The following ASPH variants were observed in gnomAD, a reference collection of about 807,000 sequenced individuals.
ASPH encodes aspartate beta-hydroxylase.
Under a neutral mutation model 118.4 loss-of-function variants are expected in ASPH, and 100 were observed. The ratio of observed to expected loss-of-function variants is 0.84; its 90% CI spans 0.72 to 1.00. The LOEUF is 1.00. Ranked by LOEUF, ASPH falls within the 50% of genes least tolerant of loss-of-function variation. ASPH has a pLI of 0.00. For synonymous variants in ASPH, 315 were observed against 325.6 expected, an observed-to-expected ratio of 0.97 and a Z score of 0.35; for missense variants, 920 against 919.5, an observed-to-expected ratio of 1.00 and a Z score of -0.01.
chr8:61,692,960 G>A (rs74628855), intron 1 of ASPH, among the ~76,000 whole-genome samples: 13 of 145,588 alleles, frequency 8.9e-5, no homozygotes. Context: ...AAAAAAAAAA[G>A]AAAAAAAGAA....
chr8:61,578,974 G>A lies in ASPH; in HGVS notation c.1063-2116C>T, dbSNP rs573867202. 9.9e-5 allele frequency: 160 copies of A among 1,610,336 alleles called. No homozygotes were observed. The East Asian group carries it at 1.3e-3, about 13-fold the overall frequency. On this transcript the variant is annotated intron_variant, in intron 15 of 24. Coordinates refer to ENST00000379454, the MANE Select transcript of ASPH (RefSeq NM_004318.4). ...GTGGTGCTGTCCATGGACAACAGCCGCTCCCTGGACATGGACAGCATCATT... is the reference window on the plus strand; with the variant it reads ...GTGGTGCTGTCCATGGACAACAGCCACTCCCTGGACATGGACAGCATCATT...
At chr8:61,560,731 A>T (rs1241480300) in intron 18 of ASPH, among the ~76,000 whole-genome samples, 1 of 152,126 alleles carries the variant, frequency 6.6e-6, no homozygotes, top group Non-Finnish European at 1.5e-5. Context: ...ATTTTTCGGG[A>T]TGAAGTAAAA....
chr8:61,613,052 T>A (rs1420020595), intron 14 of ASPH, among the ~76,000 whole-genome samples: 1 of 152,228 alleles, frequency 6.6e-6, no homozygotes, highest in Non-Finnish European at 1.5e-5. Flanking sequence ...GCACCCACTA[T>A]CTATGGTTAA....
At chr8:61,615,521 C>A (rs962029169) in intron 14 of ASPH, among the ~76,000 whole-genome samples, 11 of 152,240 alleles carry the variant, frequency 7.2e-5, no homozygotes, top group African/African-American at 2.4e-4. Context: ...TGTTTTGGGC[C>A]CAGTGCCTAA....
At chr8:61,670,536 G>A (rs938188144) in intron 3 of ASPH, among the ~76,000 whole-genome samples, 9 of 151,976 alleles carry the variant, frequency 5.9e-5, no homozygotes, top group African/African-American at 2.2e-4. Flanking sequence ...CATTTCCTTA[G>A]AAGAAAACTG....
chr8:61,595,337 C>T (rs1457939489), intron 14 of ASPH, among the ~76,000 whole-genome samples: 1 of 152,146 alleles, frequency 6.6e-6, no homozygotes. Context: ...CAAACTATTT[C>T]TGATGTATTA....
Position 61,647,027 on chromosome 8 carries a change from A to G in ASPH, c.491-149T>C, listed in dbSNP as rs745347831. The G allele has an allele frequency of 2.8e-5, 29 of 1,038,778 alleles. No homozygotes were observed. The Admixed American group carries it at 4.0e-4, about 14-fold the overall frequency. The allele number at this position is 1,038,778 out of a possible 1,614,324, so 64.3% of individuals were successfully genotyped here. A position where few individuals can be genotyped will look rare whatever the true frequency, so the allele number is the denominator to read the frequency against. ...AGACACCATTGTCCACTCCACAGCT[A>G]TTTTCTTCCTCTGGCCAAGTGCTAA... On this transcript the variant is annotated intron_variant, in intron 5 of 24. Coordinates refer to ENST00000379454, the MANE Select transcript of ASPH (RefSeq NM_004318.4).
chr8:61,565,746 T>C (rs950283794), intron 17 of ASPH, among the ~76,000 whole-genome samples: 27 of 152,210 alleles, frequency 1.8e-4, no homozygotes, highest in African/African-American at 5.1e-4. Context: ...AGGACTTTCA[T>C]AGTGAGAGAG....
At chr8:61,625,439 G>A (rs1434198285) in intron 13 of ASPH, 1 of 985,222 alleles carries the variant, frequency 1.0e-6, no homozygotes, top group Non-Finnish European at 1.2e-6. Flanking sequence ...TTATGCACCA[G>A]TAATTTATAC....
chr8:61,635,207 A>G (rs904271535), intron 12 of ASPH, among the ~76,000 whole-genome samples: 1 of 152,128 alleles, frequency 6.6e-6, no homozygotes, highest in African/African-American at 2.4e-5. Context: ...AACATGAAAC[A>G]TATTCACATT....
At chr8:61,621,648 T>C (rs1236607901) in intron 13 of ASPH, among the ~76,000 whole-genome samples, 1 of 152,246 alleles carries the variant, frequency 6.6e-6, no homozygotes, top group Non-Finnish European at 1.5e-5. Context: ...GAGGTAGTTA[T>C]AATTTTACAA....
intron 14 of ASPH, among the ~76,000 whole-genome samples, chr8:61,601,642 T>G (rs1369816040): frequency 6.7e-6 from 1 of 149,998 alleles, no homozygotes; most frequent in Non-Finnish European, 1.5e-5. Context: ...AGGTACATAT[T>G]GATAATTTAG....
intron 12 of ASPH, 40 bp downstream of exon 12, chr8:61,637,907 T>C (rs893316903): frequency 2.6e-6 from 4 of 1,545,940 alleles, no homozygotes; most frequent in Non-Finnish European, 3.6e-6. Flanking sequence ...AACACAATTC[T>C]CATATGGAAG....
At chr8:61,710,652 G>C (rs887990658) in intron 1 of ASPH, among the ~76,000 whole-genome samples, 2 of 152,156 alleles carry the variant, frequency 1.3e-5, no homozygotes, top group African/African-American at 4.8e-5. Context: ...AATAGCTGAC[G>C]GTTCTTGCAG....
At chr8:61,541,756 G>A (rs758631697) in intron 21 of ASPH, among the ~76,000 whole-genome samples, 1 of 152,100 alleles carries the variant, frequency 6.6e-6, no homozygotes, top group Non-Finnish European at 1.5e-5. Context: ...TTGTAACCAT[G>A]AGATGCCACA....
chr8:61,707,615 C>T (rs1210013624), intron 1 of ASPH, among the ~76,000 whole-genome samples: 2 of 152,218 alleles, frequency 1.3e-5, no homozygotes, highest in East Asian at 3.9e-4. Context: ...AACACTCAGA[C>T]ATGTATGCAT....
chr8:61,579,819 G>A (rs943086056), intron 15 of ASPH, among the ~76,000 whole-genome samples: 1 of 151,634 alleles, frequency 6.6e-6, no homozygotes, highest in Non-Finnish European at 1.5e-5. Flanking sequence ...TTACTACCTG[G>A]GGACCCCCCT....
intron 1 of ASPH, among the ~76,000 whole-genome samples, chr8:61,712,509 C>T (rs894674085): frequency 6.6e-6 from 1 of 152,180 alleles, no homozygotes; most frequent in Admixed American, 6.5e-5. Flanking sequence ...CACGGGCATT[C>T]CTCCCTTTTA....
intron 1 of ASPH, among the ~76,000 whole-genome samples, chr8:61,699,207 G>T (rs1231595495): frequency 6.6e-6 from 1 of 152,196 alleles, no homozygotes; most frequent in Non-Finnish European, 1.5e-5. Context: ...ATGATCAACT[G>T]AATAAACAGG....
Sources: gnomAD v4.1 joint callset for allele counts (sites outside exome capture counted in the v4.1 genomes callset) on GRCh38, gnomAD v4.1.1 for gene constraint, MANE v1.5 for transcripts, NCBI Gene and HGNC (gene_info 2026-07-23, HGNC 2026-07-21) for gene names.